NUP98: variants seen among roughly 807,000 people sequenced by gnomAD.
NUP98 encodes the protein nuclear pore complex protein Nup98-Nup96.
Under a neutral mutation model 191.9 loss-of-function variants are expected in NUP98, and 26 were observed. The ratio of observed to expected loss-of-function variants is 0.14; its 90% CI spans 0.10 to 0.19. The LOEUF (loss-of-function observed/expected upper bound fraction) is 0.19, where lower values mean the gene tolerates loss of function less well. Ranked by LOEUF, NUP98 falls within the 10% of genes least tolerant of loss-of-function variation. NUP98 has a pLI of 1.00. For synonymous variants in NUP98, 808 were observed against 778.4 expected, an observed-to-expected ratio of 1.04 and a Z score of -0.63; for missense variants, 1,941 against 2,178.8, an observed-to-expected ratio of 0.89 and a Z score of 2.17.
At chr11:3,682,884 T>C (rs2078022207) in intron 30 of NUP98, among the ~76,000 whole-genome samples, 1 of 152,252 alleles carries the variant, frequency 6.6e-6, no homozygotes, top group Non-Finnish European at 1.5e-5. Flanking sequence ...GAAGAATTTC[T>C]AGTTTCAGGC....
chr11:3,725,188 G>A lies in NUP98; in HGVS notation c.1762C>T (p.Leu588Phe). The change falls in exon 15 of 33, where the codon CTT becomes TTT. Residue 588 changes from leucine (L) to phenylalanine (F), a missense_variant. Leu to Phe is a conservative substitution (Grantham distance 22, BLOSUM62 0). Transcript: ENST00000324932. ...GGAGAAAAGAGATTGCTATTATTAAGGTTCTTCAAAACCAACTTCTTAATG... is the reference window on the plus strand; with the variant it reads ...GGAGAAAAGAGATTGCTATTATTAAAGTTCTTCAAAACCAACTTCTTAATG... ...KSIKKLVLKN[L>F]NNSNLFSPVN... is the part of the protein sequence containing the mutation. 6.3e-7 allele frequency: 1 copy of A among 1,593,938 alleles called. No individual in the cohort carries two copies. The highest frequency in any genetic ancestry group is 1.1e-5 in the South Asian group (1 of 90,032).
chr11:3,710,956 T>C (rs994326496), intron 20 of NUP98, among the ~76,000 whole-genome samples: 4 of 152,200 alleles, frequency 2.6e-5, no homozygotes, highest in Non-Finnish European at 5.9e-5. Context: ...TTGCCCATTT[T>C]AGGCTAGCCA....
chr11:3,790,138 C>T (rs760257137), intron 1 of NUP98, among the ~76,000 whole-genome samples: 3 of 152,124 alleles, frequency 2.0e-5, no homozygotes, highest in Admixed American at 6.6e-5. Context: ...CTGTGTCAAA[C>T]GAAGTAAAAT....
chr11:3,762,584 ATC>A lies in NUP98; in HGVS notation c.1086+316_1086+317del, dbSNP rs141398665. Among the ~76,000 whole-genome samples the A allele has an allele frequency of 3.6e-3, 548 of 152,312 alleles. 4 individuals are homozygous for A. The highest frequency in any genetic ancestry group is 0.012 in the African/African-American group (519 of 41,582). On this transcript the variant is annotated intron_variant, in intron 9 of 32. Coordinates refer to ENST00000324932, the MANE Select transcript of NUP98 (RefSeq NM_016320.5). Reference sequence around the variant, plus strand: ...AGGGAAGAACTAGGAGTTAAAAATTATCTGATTCAAATAAAGCAAAAGAATTT... The same window carrying A: ...AGGGAAGAACTAGGAGTTAAAAATTATGATTCAAATAAAGCAAAAGAATTT...
intron 2 of NUP98, among the ~76,000 whole-genome samples, chr11:3,779,980 A>C (rs1372140172): frequency 6.6e-6 from 1 of 152,102 alleles, no homozygotes; most frequent in Non-Finnish European, 1.5e-5. Flanking sequence ...ATTCAGAAAA[A>C]TTAGTGACAC....
chr11:3,751,348 A>C (rs1410305868), intron 11 of NUP98, among the ~76,000 whole-genome samples: 2 of 152,022 alleles, frequency 1.3e-5, no homozygotes, highest in African/African-American at 4.8e-5. Context: ...ACAAGAGCAA[A>C]ACTCCGACTC....
intron 1 of NUP98, among the ~76,000 whole-genome samples, chr11:3,794,250 A>G (rs1338676883): frequency 6.6e-6 from 1 of 152,184 alleles, no homozygotes; most frequent in Non-Finnish European, 1.5e-5. Context: ...GTCAATTTCA[A>G]ACAAAAAGAA....
intron 12 of NUP98, among the ~76,000 whole-genome samples, chr11:3,739,541 C>A (rs923547876): frequency 6.6e-6 from 1 of 152,124 alleles, no homozygotes; most frequent in African/African-American, 2.4e-5. Flanking sequence ...GGCACCGCAC[C>A]AGGCCTATTT....
Position 3,731,393 on chromosome 11 carries a change from G to C in NUP98, c.1728C>G (p.Pro576=). 2 of 1,544,088 alleles carry C rather than the reference G, an allele frequency of 1.3e-6. No individual in the cohort carries two copies. Among genetic ancestry groups the C allele is most frequent in the South Asian group, 1.3e-5 (1 of 76,230 alleles). The part of the protein sequence containing the change: ...EPSLANGAFM[P]KKSIKKLVLK... The stretch of plus-strand genomic sequence containing the variant: ...TCTGTTAACAAAAATAAACTCACTT[G>C]GGCATGAATGCTCCATTGGCTAGGG... The change falls in exon 14 of 33, where the codon CCC becomes CCG. Residue 576 remains proline (P), a splice_region_variant and synonymous_variant. Coordinates refer to ENST00000324932, the MANE Select transcript of NUP98 (RefSeq NM_016320.5).
At chr11:3,766,441 G>A (rs1429471196) in intron 8 of NUP98, among the ~76,000 whole-genome samples, 1 of 152,060 alleles carries the variant, frequency 6.6e-6, no homozygotes, top group East Asian at 1.9e-4. Flanking sequence ...TGTAAACCCA[G>A]CACTTTGTGA....
At chr11:3,769,864 A>G (rs560818867) in intron 7 of NUP98, among the ~76,000 whole-genome samples, 2 of 151,772 alleles carry the variant, frequency 1.3e-5, no homozygotes, top group South Asian at 4.2e-4. Flanking sequence ...CAAGACGGTA[A>G]AACCCCATCT....
intron 17 of NUP98, among the ~76,000 whole-genome samples, chr11:3,719,818 G>A (rs1353824742): frequency 6.9e-6 from 1 of 144,200 alleles, no homozygotes; most frequent in African/African-American, 2.6e-5. Context: ...AGACTGAAGT[G>A]CAGTGGTCCT....
chr11:3,733,722 T>G (rs1589833178), intron 13 of NUP98, among the ~76,000 whole-genome samples: 1 of 152,356 alleles, frequency 6.6e-6, no homozygotes, highest in East Asian at 1.9e-4. Context: ...ATAAAACATT[T>G]TGTTTATCCA....
At chr11:3,761,544 G>A (rs1396626154) in intron 9 of NUP98, among the ~76,000 whole-genome samples, 2 of 152,116 alleles carry the variant, frequency 1.3e-5, no homozygotes, top group Non-Finnish European at 1.5e-5. Context: ...TGGATCACGA[G>A]GTCAGGAGTT....
intron 11 of NUP98, among the ~76,000 whole-genome samples, chr11:3,750,146 T>C (rs1016588276): frequency 6.6e-6 from 1 of 152,204 alleles, no homozygotes; most frequent in African/African-American, 2.4e-5. Flanking sequence ...AATAATTTTT[T>C]TTAGGAATGA....
chr11:3,719,118 C>T (rs2079295550), intron 18 of NUP98, among the ~76,000 whole-genome samples: 1 of 141,422 alleles, frequency 7.1e-6, no homozygotes, highest in African/African-American at 2.7e-5. Flanking sequence ...AAAACTCCAT[C>T]TCAAAAAAAA....
intron 27 of NUP98, 65 bp from the exon 28 acceptor site, chr11:3,691,554 T>G: frequency 3.3e-6 from 5 of 1,522,590 alleles, no homozygotes; most frequent in Non-Finnish European, 4.5e-6. Context: ...TGCCATTATG[T>G]TTCTTCTTTT....
intron 10 of NUP98, among the ~76,000 whole-genome samples, chr11:3,756,826 G>T (rs1161669742): frequency 6.6e-6 from 1 of 151,870 alleles, no homozygotes; most frequent in Non-Finnish European, 1.5e-5. Context: ...AGTGGCTCAC[G>T]CCTGTAATCC....
intron 5 of NUP98, 25 bp from the exon 6 acceptor site, chr11:3,773,764 T>C (rs202052173): frequency 2.1e-6 from 3 of 1,441,236 alleles, no homozygotes; most frequent in African/African-American, 2.8e-5. Flanking sequence ...AAAGGCAAAT[T>C]TGTAGGTCCA....
Sources: gnomAD v4.1 joint callset for allele counts (sites outside exome capture counted in the v4.1 genomes callset) on GRCh38, gnomAD v4.1.1 for gene constraint, MANE v1.5 for transcripts, NCBI Gene and HGNC (gene_info 2026-07-23, HGNC 2026-07-21) for gene names.